Variants in COL10A1 observed in about 807,000 individuals in gnomAD.
COL10A1 encodes collagen type X alpha 1 chain, also known as collagen alpha-1(X) chain.
A neutral mutation model predicts 18.2 loss-of-function variants in COL10A1; 10 were observed. That is an observed-to-expected ratio of 0.55 (90% CI 0.34 to 0.93). The LOEUF is 0.93. Among genes scored for constraint, COL10A1 ranks in the 40% least tolerant of loss-of-function variants. The pLI is 0.02. For missense variants in COL10A1, 897 were observed against 853.5 expected, an observed-to-expected ratio of 1.05 and a Z score of -0.64; for synonymous variants, 330 against 316.6, an observed-to-expected ratio of 1.04 and a Z score of -0.45.
upstream of COL10A1, among the ~76,000 whole-genome samples, chr6:116,159,922 A>ATGT (rs376283757): frequency 4.6e-5 from 7 of 152,220 alleles, no homozygotes; most frequent in African/African-American, 1.7e-4. Context: ...AGCTCTATCC[A>ATGT]TGTTGTTGCA....
the COL10A1 span, among the ~76,000 whole-genome samples, chr6:116,178,241 G>C: frequency 6.6e-6 from 1 of 152,006 alleles, no homozygotes; most frequent in Non-Finnish European, 1.5e-5. Flanking sequence ...ATACCTAGGG[G>C]ACCTCTCTCC....
At chr6:116,173,081 T>G in the COL10A1 span, among the ~76,000 whole-genome samples, 1 of 152,204 alleles carries the variant, frequency 6.6e-6, no homozygotes, top group East Asian at 1.9e-4. Flanking sequence ...CTTCTATAAC[T>G]TTTAAAGTTC....
At chr6:116,146,358 ATCATAC>A (rs1054679974) in intron 1 of COL10A1, among the ~76,000 whole-genome samples, 12 of 152,204 alleles carry the variant, frequency 7.9e-5, no homozygotes, top group African/African-American at 2.9e-4. Context: ...AATAGACTTT[ATCATAC>A]TCTGACCTCC....
At chr6:116,150,674 A>C (rs1780017524) in intron 1 of COL10A1, among the ~76,000 whole-genome samples, 1 of 152,150 alleles carries the variant, frequency 6.6e-6, no homozygotes, top group Non-Finnish European at 1.5e-5. Flanking sequence ...TAACTTTCAG[A>C]GATTGGAGCA....
At chr6:116,160,616 T>C (rs1414489515), upstream of COL10A1, among the ~76,000 whole-genome samples, 2 of 152,250 alleles carry the variant, frequency 1.3e-5, no homozygotes, top group African/African-American at 2.4e-5. Context: ...AAAAACTCTT[T>C]AGTTTAATTA....
At chr6:116,214,292 A>G in the COL10A1 span, among the ~76,000 whole-genome samples, 602 of 152,228 alleles carry the variant, frequency 4.0e-3, 11 homozygotes, top group East Asian at 0.043. Context: ...TCTCATATAT[A>G]TCCTTCTTAT....
At chr6:116,162,957 C>T (rs1195676571), upstream of COL10A1, among the ~76,000 whole-genome samples, 1 of 151,666 alleles carries the variant, frequency 6.6e-6, no homozygotes, top group Non-Finnish European at 1.5e-5. Flanking sequence ...GAAACCCCGT[C>T]TCTACTAAAT....
chr6:116,193,629 G>A, the COL10A1 span, among the ~76,000 whole-genome samples: 95,051 of 152,054 alleles, frequency 0.63, 31,560 homozygotes, highest in African/African-American at 0.86. Flanking sequence ...CTAAGGGACA[G>A]TATGAGCAAA....
the COL10A1 span, among the ~76,000 whole-genome samples, chr6:116,169,610 G>A: frequency 6.6e-6 from 1 of 152,206 alleles, no homozygotes; most frequent in Non-Finnish European, 1.5e-5. Context: ...TAGGTATGGG[G>A]TAGCCTGTAG....
chr6:116,197,836 G>A, the COL10A1 span, among the ~76,000 whole-genome samples: 1 of 152,042 alleles, frequency 6.6e-6, no homozygotes, highest in East Asian at 1.9e-4. Context: ...TGCTACCATT[G>A]AGAAGCGTTT....
the COL10A1 span, among the ~76,000 whole-genome samples, chr6:116,203,357 G>A: frequency 5.9e-5 from 9 of 151,810 alleles, no homozygotes; most frequent in African/African-American, 9.7e-5. Flanking sequence ...CCTGCAGTCC[G>A]CCAGAAGCTC....
intron 1 of COL10A1, among the ~76,000 whole-genome samples, chr6:116,150,994 A>C (rs949539414): frequency 6.6e-6 from 1 of 152,222 alleles, no homozygotes; most frequent in African/African-American, 2.4e-5. Context: ...GTGAGTGAAT[A>C]AGATGACATT....
rs773686397 is a variant in COL10A1 at position 116,119,304 on chromosome 6, A to G, written c.*769T>C. The stretch of plus-strand genomic sequence containing the variant: ...AATAAGGAATTAAAGAAATCAAATT[A>G]ATCACACTTGTGTTAACTAAATAAG... On this transcript the variant is annotated 3_prime_UTR_variant, in exon 3 of 3. Coordinates refer to ENST00000651968, the MANE Select transcript of COL10A1 (RefSeq NM_000493.4). 1.3e-5 allele frequency: 2 copies of G among 152,574 alleles called. No individual in the cohort carries two copies. The highest frequency in any genetic ancestry group is 2.4e-5 in the African/African-American group (1 of 41,472). 9.5% of individuals were successfully genotyped at this position (152,574 alleles called of 1,614,324 possible).
chr6:116,131,069 T>C (rs1035585012), upstream of COL10A1, among the ~76,000 whole-genome samples: 1 of 152,222 alleles, frequency 6.6e-6, no homozygotes, highest in Non-Finnish European at 1.5e-5. Flanking sequence ...TAATTTGTTT[T>C]ATACTTTCAT....
the COL10A1 span, among the ~76,000 whole-genome samples, chr6:116,205,902 G>A: frequency 6.6e-6 from 1 of 151,792 alleles, no homozygotes; most frequent in African/African-American, 2.4e-5. Flanking sequence ...GCCTCTCTAG[G>A]CCTCATTTTC....
the COL10A1 span, among the ~76,000 whole-genome samples, chr6:116,184,507 G>A: frequency 1.3e-5 from 2 of 152,008 alleles, no homozygotes; most frequent in Non-Finnish European, 2.9e-5. Flanking sequence ...CTATGAATCC[G>A]TCTGATCCTG....
intron 1 of COL10A1, among the ~76,000 whole-genome samples, chr6:116,131,158 C>A (rs896646843): frequency 4.6e-5 from 7 of 152,154 alleles, no homozygotes; most frequent in African/African-American, 1.7e-4. Context: ...GTTTGCTGAT[C>A]TCCGTGGTAT....
upstream of COL10A1, among the ~76,000 whole-genome samples, chr6:116,162,518 C>T (rs942715022): frequency 1.3e-5 from 2 of 152,030 alleles, no homozygotes; most frequent in Admixed American, 6.6e-5. Flanking sequence ...GTTTTTTCTG[C>T]ATATTGAGAT....
the COL10A1 span, among the ~76,000 whole-genome samples, chr6:116,204,871 T>G: frequency 2.0e-5 from 3 of 152,014 alleles, no homozygotes; most frequent in African/African-American, 7.2e-5. Flanking sequence ...ATTACATGGC[T>G]AGATTTAAGT....
Sources: allele counts gnomAD v4.1 joint callset (sites outside exome capture counted in the v4.1 genomes callset), GRCh38; gene constraint gnomAD v4.1.1; transcripts MANE v1.5; gene names NCBI Gene and HGNC (gene_info 2026-07-23, HGNC 2026-07-21).